The following TEK variants were observed in gnomAD, a reference collection of about 807,000 sequenced individuals.
TEK encodes the protein angiopoietin-1 receptor.
In TEK, 43 loss-of-function variants were observed where a neutral mutation model predicts 131.8. The observed-to-expected ratio is 0.33, with a 90% CI of 0.26 to 0.42. TEK has a LOEUF of 0.42. Among genes scored for constraint, TEK ranks in the 10% least tolerant of loss-of-function variants. The pLI is 1.00. For missense variants in TEK, 1,162 were observed against 1,384.4 expected (o/e 0.84, Z 2.55); for synonymous variants, 580 against 491.6 (o/e 1.18, Z -2.38).
chr9:27,183,385 A>C, intron 7 of TEK, 74 bp from the exon 8 acceptor site: 1 of 1,519,888 alleles, frequency 6.6e-7, no homozygotes, highest in Non-Finnish European at 9.1e-7. Flanking sequence ...TTACTAAAGT[A>C]GCTATTTTTA....
At chr9:27,189,036 C>G (rs986489476) in intron 9 of TEK, among the ~76,000 whole-genome samples, 4 of 152,022 alleles carry the variant, frequency 2.6e-5, no homozygotes, top group Non-Finnish European at 4.4e-5. Context: ...AGCATTGAGA[C>G]AGAAAGAAAA....
intron 1 of TEK, among the ~76,000 whole-genome samples, chr9:27,116,892 C>T (rs1414715805): frequency 2.2e-5 from 3 of 135,186 alleles, no homozygotes; most frequent in African/African-American, 8.4e-5. Flanking sequence ...GTCGGAGTCT[C>T]GCTCAGTCCC....
In TEK at chr9:27,202,832, A is replaced by C; in HGVS notation, c.1922A>C (p.Gln641Pro). The change falls in exon 13 of 23, where the codon CAA becomes CCA. Residue 641 changes from glutamine to proline, a missense_variant. Coordinates refer to ENST00000380036, the MANE Select transcript of TEK (RefSeq NM_000459.5). ...TTTTAATTTCTAGTTCTTCCTCCTC[A>C]ACCAGAAAACATCAAGATTTCCAAC... ...AWTLSDILPP[Q>P]PENIKISNIT... 1 of 1,614,100 alleles carries C rather than the reference A, an allele frequency of 6.2e-7. No individual in the cohort carries two copies. The highest frequency in any genetic ancestry group is 8.5e-7 in the Non-Finnish European group (1 of 1,179,976).
intron 1 of TEK, among the ~76,000 whole-genome samples, chr9:27,137,133 G>A (rs1256935563): frequency 2.6e-5 from 4 of 152,072 alleles, no homozygotes; most frequent in African/African-American, 9.7e-5. Context: ...CCCCAAGATG[G>A]TGTCGATCTC....
chr9:27,137,654 C>T (rs966917017), intron 1 of TEK, among the ~76,000 whole-genome samples: 5 of 146,668 alleles, frequency 3.4e-5, no homozygotes, highest in Admixed American at 6.9e-5. Flanking sequence ...TACATAGTTC[C>T]CGTATGATTA....
At chr9:27,193,125 C>T (rs913633972) in intron 11 of TEK, among the ~76,000 whole-genome samples, 8 of 152,260 alleles carry the variant, frequency 5.3e-5, no homozygotes, top group African/African-American at 1.7e-4. Flanking sequence ...GAATAAGAAG[C>T]TTTTATCTAA....
At chr9:27,125,490 A>C (rs1261494116) in intron 1 of TEK, among the ~76,000 whole-genome samples, 1 of 152,144 alleles carries the variant, frequency 6.6e-6, no homozygotes, top group Non-Finnish European at 1.5e-5. Flanking sequence ...CTTTCTAATG[A>C]AACTCATGGC....
chr9:27,205,962 T>G (rs1374955806), intron 14 of TEK, among the ~76,000 whole-genome samples: 1 of 109,278 alleles, frequency 9.2e-6, no homozygotes, highest in East Asian at 2.6e-4. Flanking sequence ...AGCAAGGGGG[T>G]TGGGAGTGCT....
chr9:27,203,886 G>T (rs1430563885), intron 13 of TEK, among the ~76,000 whole-genome samples: 1 of 152,178 alleles, frequency 6.6e-6, no homozygotes, highest in Non-Finnish European at 1.5e-5. Flanking sequence ...AAAACTTCTT[G>T]GTTCTCTTGG....
chr9:27,172,509 T>G, intron 4 of TEK, 107 bp from the exon 5 acceptor site: 2 of 1,481,654 alleles, frequency 1.3e-6, no homozygotes, highest in Non-Finnish European at 1.9e-6. Flanking sequence ...GTATTTTATC[T>G]TTATTCACCA....
In TEK at chr9:27,210,517, T is replaced by C. The variant is rs530852405; in HGVS notation, c.2686+1286T>C. The C allele has an allele frequency of 1.9e-3, 332 of 174,652 alleles. 5 individuals carry two copies. Among genetic ancestry groups the C allele is most frequent in the Admixed American group, 0.017 (291 of 16,978 alleles). 10.8% of individuals were successfully genotyped at this position (174,652 alleles called of 1,614,324 possible). A position where few individuals can be genotyped will look rare whatever the true frequency, so the allele number is the denominator to read the frequency against. On this transcript the variant is annotated intron_variant, in intron 16 of 22. Transcript: ENST00000380036. ...ACTACAAAGAAGACTGTGCTGAGGC[T>C]TTAGTGTTGACCCCACTGCAGATCT...
chr9:27,172,579 G>T (rs370982135), intron 4 of TEK, 37 bp from the exon 5 acceptor site: 5 of 1,611,680 alleles, frequency 3.1e-6, no homozygotes, highest in South Asian at 1.1e-5. Context: ...GAGCGAATGC[G>T]CTCTACTCAC....
At chr9:27,150,628 A>G (rs1823089705) in intron 1 of TEK, among the ~76,000 whole-genome samples, 2 of 152,144 alleles carry the variant, frequency 1.3e-5, no homozygotes, top group Admixed American at 1.3e-4. Flanking sequence ...ATAAGGTGTG[A>G]GGCTTGCACC....
At chr9:27,166,717 C>T (rs1490739612) in intron 2 of TEK, among the ~76,000 whole-genome samples, 2 of 152,036 alleles carry the variant, frequency 1.3e-5, no homozygotes, top group South Asian at 2.1e-4. Context: ...GCCATTATGT[C>T]GAATGTATAC....
intron 16 of TEK, among the ~76,000 whole-genome samples, chr9:27,209,899 G>A (rs1454130854): frequency 6.6e-6 from 1 of 152,098 alleles, no homozygotes; most frequent in Admixed American, 6.5e-5. Flanking sequence ...TCCTCTATGG[G>A]TTTACCTCTG....
chr9:27,115,486 G>A (rs746696215), intron 1 of TEK, among the ~76,000 whole-genome samples: 5 of 151,774 alleles, frequency 3.3e-5, no homozygotes, highest in Non-Finnish European at 5.9e-5. Flanking sequence ...GCAACAGAGC[G>A]AGACATTGTC....
At chr9:27,221,462 CCCCTGTGCTCCCTGACTGGGA>C (rs60300995) in intron 21 of TEK, among the ~76,000 whole-genome samples, 69,718 of 151,742 alleles carry the variant, frequency 0.46, 16,654 homozygotes, top group East Asian at 0.69. Context: ...CCTGACCCGA[CCCCTGTGCTCCCTGACTGGGA>C]GACATCTCCC....
At chr9:27,166,843 CA>C (rs1322301604) in intron 2 of TEK, among the ~76,000 whole-genome samples, 4 of 152,180 alleles carry the variant, frequency 2.6e-5, no homozygotes, top group Admixed American at 1.3e-4. Flanking sequence ...ATACATTTGG[CA>C]TAATGTCTGC....
chr9:27,205,989 C>T (rs1198702888), intron 14 of TEK, among the ~76,000 whole-genome samples: 2 of 152,112 alleles, frequency 1.3e-5, no homozygotes, highest in African/African-American at 2.4e-5. Context: ...GTCAAAATAC[C>T]GGTGCTTTTT....
Sources: gnomAD v4.1 joint callset for allele counts (sites outside exome capture counted in the v4.1 genomes callset) on GRCh38, gnomAD v4.1.1 for gene constraint, MANE v1.5 for transcripts, NCBI Gene and HGNC (gene_info 2026-07-23, HGNC 2026-07-21) for gene names.